Variants in PTPRD observed in about 807,000 individuals in gnomAD.
The protein encoded by PTPRD is protein tyrosine phosphatase receptor type D, also known as receptor-type tyrosine-protein phosphatase delta.
Under a neutral mutation model 214.5 loss-of-function variants are expected in PTPRD, and 34 were observed. That is an observed-to-expected ratio of 0.16 (90% CI 0.12 to 0.21). The LOEUF is 0.21. Among genes scored for constraint, PTPRD ranks in the 10% least tolerant of loss-of-function variants. The pLI is 1.00. For synonymous variants in PTPRD, 1,128 were observed against 845.7 expected, an observed-to-expected ratio of 1.33 and a Z score of -5.79; for missense variants, 2,545 against 2,398.7, an observed-to-expected ratio of 1.06 and a Z score of -1.27.
chr9:9,542,540 G>A (rs1049933990), intron 8 of PTPRD, among the ~76,000 whole-genome samples: 44 of 151,408 alleles, frequency 2.9e-4, no homozygotes, highest in African/African-American at 1.0e-3. Context: ...GCTACAGACT[G>A]GAAAAAAATA....
chr9:8,561,875 CAA>C (rs1215370700), intron 14 of PTPRD, among the ~76,000 whole-genome samples: 2 of 151,574 alleles, frequency 1.3e-5, no homozygotes, highest in Admixed American at 1.3e-4. Flanking sequence ...TTTCCAGTGC[CAA>C]AGTTAGATGC....
chr9:10,360,873 C>T (rs562439934), intron 2 of PTPRD, among the ~76,000 whole-genome samples: 1 of 152,098 alleles, frequency 6.6e-6, no homozygotes, highest in Non-Finnish European at 1.5e-5. Context: ...GAGGCCAAGA[C>T]GGGCAGATCG....
intron 2 of PTPRD, among the ~76,000 whole-genome samples, chr9:10,492,344 T>C (rs943526682): frequency 2.0e-5 from 3 of 151,916 alleles, no homozygotes; most frequent in Non-Finnish European, 2.9e-5. Flanking sequence ...GTAAAAGTGT[T>C]CCTATTTTTT....
intron 11 of PTPRD, among the ~76,000 whole-genome samples, chr9:8,927,248 G>A (rs2098906221): frequency 6.6e-6 from 1 of 151,856 alleles, no homozygotes; most frequent in Admixed American, 6.6e-5. Context: ...TATACTTTAA[G>A]TTCTGGGATA....
At chr9:8,824,216 G>A (rs1313435736) in intron 11 of PTPRD, among the ~76,000 whole-genome samples, 2 of 152,146 alleles carry the variant, frequency 1.3e-5, no homozygotes, top group African/African-American at 4.8e-5. Flanking sequence ...AGCCCAGTGG[G>A]TCCTAGCCTC....
chr9:10,244,630 A>G (rs12237121), intron 3 of PTPRD, among the ~76,000 whole-genome samples: 83,773 of 151,958 alleles, frequency 0.55, 24,740 homozygotes, highest in East Asian at 0.73. Context: ...CTAAGATGAA[A>G]ATAAAACATT....
chr9:10,312,528 A>C (rs751352372), intron 3 of PTPRD, among the ~76,000 whole-genome samples: 2 of 152,010 alleles, frequency 1.3e-5, no homozygotes, highest in Admixed American at 6.6e-5. Flanking sequence ...AGAAGTTTTA[A>C]AATTTATAAA....
At chr9:9,538,854 T>C (rs1415331416) in intron 8 of PTPRD, among the ~76,000 whole-genome samples, 1 of 151,864 alleles carries the variant, frequency 6.6e-6, no homozygotes, top group Non-Finnish European at 1.5e-5. Flanking sequence ...TTTGGTTTAA[T>C]TTTTTCTTTT....
chr9:9,594,334 T>C (rs1427215589), intron 7 of PTPRD, among the ~76,000 whole-genome samples: 1 of 152,070 alleles, frequency 6.6e-6, no homozygotes, highest in Non-Finnish European at 1.5e-5. Flanking sequence ...TTCTTGGTCA[T>C]GAAATCCTTG....
chr9:8,752,327 T>C (rs2093615418), intron 11 of PTPRD, among the ~76,000 whole-genome samples: 1 of 152,098 alleles, frequency 6.6e-6, no homozygotes, highest in Admixed American at 6.5e-5. Flanking sequence ...ACTGCTACAC[T>C]TTCAACAGTG....
chr9:9,676,324 T>A (rs1422917241), intron 7 of PTPRD, among the ~76,000 whole-genome samples: 2 of 134,714 alleles, frequency 1.5e-5, no homozygotes, highest in African/African-American at 5.5e-5. Context: ...CCCCTTCCTG[T>A]GTCCATGTGT....
Position 10,130,261 on chromosome 9 carries a change from C to T in PTPRD, c.-544-96471G>A, listed in dbSNP as rs527538735. On this transcript the variant is annotated intron_variant, in intron 3 of 45. Coordinates refer to ENST00000381196, the MANE Select transcript of PTPRD (RefSeq NM_002839.4). ...AGCTTATTCAACAACCATACAAATA[C>T]GTGAGCTTCCTACCTCAGTATCTAT... Among the ~76,000 whole-genome samples the T allele has an allele frequency of 2.2e-4, 33 of 151,088 alleles. No homozygotes were observed. In the East Asian group the frequency reaches 2.7e-3, roughly 13 times the overall value.
At chr9:8,558,860 T>C (rs920551617) in intron 14 of PTPRD, among the ~76,000 whole-genome samples, 1 of 152,190 alleles carries the variant, frequency 6.6e-6, no homozygotes, top group Non-Finnish European at 1.5e-5. Context: ...AAAATGGTGC[T>C]TGGCATTCTA....
At chr9:8,840,794 T>C (rs1250158202) in intron 11 of PTPRD, among the ~76,000 whole-genome samples, 1 of 152,192 alleles carries the variant, frequency 6.6e-6, no homozygotes, top group Non-Finnish European at 1.5e-5. Context: ...TGAAAATGAC[T>C]GATCGCCCTT....
chr9:8,431,522 T>C (rs1438960747), intron 35 of PTPRD, among the ~76,000 whole-genome samples: 1 of 152,204 alleles, frequency 6.6e-6, no homozygotes, highest in African/African-American at 2.4e-5. Flanking sequence ...CTATCTAGTC[T>C]AAATAAGATT....
chr9:9,827,615 A>C (rs1008576108), intron 5 of PTPRD, among the ~76,000 whole-genome samples: 1 of 152,198 alleles, frequency 6.6e-6, no homozygotes, highest in Non-Finnish European at 1.5e-5. Context: ...TTCATGTCTA[A>C]AACACCAAAA....
chr9:8,914,116 G>T lies in PTPRD; in HGVS notation c.-104+104581C>A, dbSNP rs2098767829. Among the ~76,000 whole-genome samples the T allele has an allele frequency of 2.6e-5, 4 of 152,066 alleles. No homozygotes were observed. The South Asian group carries it at 8.3e-4, about 32-fold the overall frequency. On this transcript the variant is annotated intron_variant, in intron 11 of 45. Transcript: ENST00000381196. Reference sequence around the variant, plus strand: ...GAAAAGAAGCATGATTCATGCAGTGGCATGTCTAGGGATTTGACCTCTAGA... The same window carrying T: ...GAAAAGAAGCATGATTCATGCAGTGTCATGTCTAGGGATTTGACCTCTAGA...
At chr9:10,371,626 T>C (rs2154477925) in intron 2 of PTPRD, among the ~76,000 whole-genome samples, 1 of 152,064 alleles carries the variant, frequency 6.6e-6, no homozygotes, top group South Asian at 2.1e-4. Flanking sequence ...TTAACCCAAC[T>C]CTCCCTCTTG....
rs911434710 is a variant in PTPRD at position 8,797,295 on chromosome 9, C to T, written c.-103-63349G>A. ...CAAGAGATTTACTCCTAGTTCTTCT[C>T]ACGATAACCATAATGTACAATAATA... On this transcript the variant is annotated intron_variant, in intron 11 of 45. Transcript: ENST00000381196. The T allele has an allele frequency of 2.0e-5, 3 of 152,146 alleles. No homozygotes were observed. In the East Asian group the frequency reaches 5.8e-4, roughly 29 times the overall value. The allele number at this position is 152,146 out of a possible 1,614,324, so 9.4% of individuals were successfully genotyped here.
Sources: allele counts gnomAD v4.1 joint callset (sites outside exome capture counted in the v4.1 genomes callset), GRCh38; gene constraint gnomAD v4.1.1; transcripts MANE v1.5; gene names NCBI Gene and HGNC (gene_info 2026-07-23, HGNC 2026-07-21).